NRXN1: variants seen among roughly 807,000 people sequenced by gnomAD.
NRXN1 encodes neurexin 1.
Under a neutral mutation model 150.9 loss-of-function variants are expected in NRXN1, and 39 were observed. The ratio of observed to expected loss-of-function variants is 0.26; its 90% confidence interval spans 0.20 to 0.34. The LOEUF (loss-of-function observed/expected upper bound fraction) is 0.34. Ranked by LOEUF, NRXN1 falls within the 10% of genes least tolerant of loss-of-function variation. The pLI, the probability that NRXN1 is intolerant of heterozygous loss-of-function variation, is 1.00. For synonymous variants in NRXN1, 924 were observed against 757.0 expected, an observed-to-expected ratio of 1.22 and a Z score of -3.62; for missense variants, 1,815 against 1,949.9, an observed-to-expected ratio of 0.93 and a Z score of 1.30.
At chr2:50,641,203 G>T (rs761553644) in intron 5 of NRXN1, among the ~76,000 whole-genome samples, 2 of 152,124 alleles carry the variant, frequency 1.3e-5, no homozygotes, top group Admixed American at 6.6e-5. Context: ...TTTTAACCAA[G>T]CCAAATGTTG....
At chr2:50,563,508 A>G (rs764576841) in intron 8 of NRXN1, among the ~76,000 whole-genome samples, 7 of 152,186 alleles carry the variant, frequency 4.6e-5, no homozygotes, top group African/African-American at 7.2e-5. Context: ...GCCAGTATAT[A>G]GGAGTTATCT....
chr2:50,465,896 G>T lies in NRXN1; in HGVS notation c.3245-335C>A, dbSNP rs548042504. 3.3e-5 allele frequency among the ~76,000 whole-genome samples: 5 copies of T among 151,870 alleles called. No individual in the cohort carries two copies. In the South Asian group the frequency reaches 8.3e-4, roughly 25 times the overall value. ...ACTATTTTGATTTTAGAAAATGAAT[G>T]GATCTCCTTAACATTCTGACCAATG... On this transcript the variant is annotated intron_variant, in intron 16 of 22. Coordinates refer to ENST00000401669, the MANE Select transcript of NRXN1 (RefSeq NM_001330078.2).
chr2:50,512,563 C>G (rs1241030950), intron 12 of NRXN1, among the ~76,000 whole-genome samples: 2 of 152,122 alleles, frequency 1.3e-5, no homozygotes, highest in African/African-American at 4.8e-5. Context: ...GCTACTTAGT[C>G]CAGCTCTCCT....
chr2:50,050,159 CT>C (rs35146990), intron 21 of NRXN1, among the ~76,000 whole-genome samples: 116 of 141,614 alleles, frequency 8.2e-4, no homozygotes, highest in East Asian at 1.2e-3. Context: ...AGCAAAACTT[CT>C]TTTTTTTTTT....
At chr2:49,990,691 G>A (rs1681776829) in intron 21 of NRXN1, among the ~76,000 whole-genome samples, 1 of 152,060 alleles carries the variant, frequency 6.6e-6, no homozygotes, top group Non-Finnish European at 1.5e-5. Context: ...AATGAGTGAA[G>A]GATGATCTTA....
chr2:50,466,837 T>G (rs1273828591), intron 16 of NRXN1, among the ~76,000 whole-genome samples: 3 of 151,824 alleles, frequency 2.0e-5, no homozygotes, highest in Non-Finnish European at 4.4e-5. Flanking sequence ...ATTTGGAACA[T>G]GCAGCACCAT....
intron 5 of NRXN1, among the ~76,000 whole-genome samples, chr2:50,787,623 A>T (rs955062708): frequency 4.6e-5 from 7 of 151,846 alleles, no homozygotes; most frequent in African/African-American, 1.7e-4. Flanking sequence ...GAAAACAGAA[A>T]ATCCTTTAAC....
At position 50,277,382 on chromosome 2, in the gene NRXN1, G is replaced by GTCCT. The variant is rs1159581983; in HGVS notation, c.3365-40416_3365-40413dup. ...GGCCAAGAGGAACTCAAAAAGGTCC[G>GTCCT]TCCTTCCTTCCTTCCTTCCTCCCTC... is the stretch of plus-strand genomic sequence containing the variant. On this transcript the variant is annotated intron_variant, in intron 17 of 22. Coordinates refer to ENST00000401669, the MANE Select transcript of NRXN1 (RefSeq NM_001330078.2). Among the ~76,000 whole-genome samples the GTCCT allele has an allele frequency of 1.2e-4, 16 of 132,058 alleles. 1 individual carries two copies. The East Asian group carries it at 1.8e-3, about 15-fold the overall frequency. The allele number at this position is 132,058 out of a possible 152,430, so 86.6% of individuals were successfully genotyped here. A position where few individuals can be genotyped will look rare whatever the true frequency, so the allele number is the denominator to read the frequency against.
At chr2:50,830,035 A>G (rs1296092016) in intron 5 of NRXN1, among the ~76,000 whole-genome samples, 1 of 140,474 alleles carries the variant, frequency 7.1e-6, no homozygotes, top group Admixed American at 7.2e-5. Context: ...AAAAAAGCTC[A>G]TTTCTTCACA....
chr2:50,697,196 G>T (rs1057512744), intron 5 of NRXN1, among the ~76,000 whole-genome samples: 3 of 152,276 alleles, frequency 2.0e-5, no homozygotes, highest in Admixed American at 6.5e-5. Flanking sequence ...GTAATTCTGA[G>T]TGTTATATTT....
chr2:50,543,748 G>T (rs1054587416), intron 9 of NRXN1, among the ~76,000 whole-genome samples: 2 of 152,036 alleles, frequency 1.3e-5, no homozygotes, highest in Non-Finnish European at 2.9e-5. Context: ...TTTATTGTCT[G>T]TTCTACTTCC....
At chr2:50,489,234 T>C (rs540629963) in intron 15 of NRXN1, among the ~76,000 whole-genome samples, 1 of 152,306 alleles carries the variant, frequency 6.6e-6, no homozygotes, top group Non-Finnish European at 1.5e-5. Flanking sequence ...AGAGTTCAGC[T>C]AGTGTGCTGG....
chr2:50,066,224 T>C (rs905227017), intron 19 of NRXN1, among the ~76,000 whole-genome samples: 12 of 152,188 alleles, frequency 7.9e-5, no homozygotes, highest in African/African-American at 2.2e-4. Context: ...TCTGAAATTA[T>C]TGTACTCTGA....
chr2:50,078,639 G>A (rs554027933), intron 19 of NRXN1, among the ~76,000 whole-genome samples: 7 of 151,990 alleles, frequency 4.6e-5, no homozygotes, highest in East Asian at 3.9e-4. Context: ...TTTGTAATTC[G>A]TGTAGTTAAC....
intron 5 of NRXN1, among the ~76,000 whole-genome samples, chr2:50,859,699 TAC>T (rs1266101900): frequency 2.0e-5 from 3 of 151,838 alleles, no homozygotes; most frequent in African/African-American, 7.3e-5. Context: ...AAGGTGCAAC[TAC>T]AGAGTACCCA....
chr2:50,192,820 G>A (rs1317442480), intron 18 of NRXN1, among the ~76,000 whole-genome samples: 1 of 152,154 alleles, frequency 6.6e-6, no homozygotes, highest in Non-Finnish European at 1.5e-5. Flanking sequence ...ATGTTGGCCA[G>A]ACTGGTCTCA....
intron 2 of NRXN1, among the ~76,000 whole-genome samples, chr2:50,964,701 T>C (rs1043251269): frequency 3.3e-5 from 5 of 151,546 alleles, no homozygotes; most frequent in South Asian, 2.1e-4. Context: ...GAGATTATCA[T>C]GTGGCAGATA....
intron 22 of NRXN1, among the ~76,000 whole-genome samples, chr2:49,923,696 C>A (rs1359045970): frequency 6.6e-6 from 1 of 152,080 alleles, no homozygotes; most frequent in Non-Finnish European, 1.5e-5. Flanking sequence ...TTTCAAATAT[C>A]ACCAATATTT....
intron 17 of NRXN1, among the ~76,000 whole-genome samples, chr2:50,405,065 G>A (rs1231572761): frequency 6.6e-6 from 1 of 152,110 alleles, no homozygotes; most frequent in Non-Finnish European, 1.5e-5. Context: ...CCAAAGAGGG[G>A]AGCTTAAAAA....
Sources: allele counts gnomAD v4.1 joint callset (sites outside exome capture counted in the v4.1 genomes callset), GRCh38; gene constraint gnomAD v4.1.1; transcripts MANE v1.5; gene names NCBI Gene and HGNC (gene_info 2026-07-23, HGNC 2026-07-21).